Variants in NDUFA6 observed in about 807,000 individuals in gnomAD.
NDUFA6 encodes the protein NADH:ubiquinone oxidoreductase subunit A6.
NDUFA6 carries 10 observed loss-of-function variants against 12.5 expected under a neutral mutation model. The ratio of observed to expected loss-of-function variants is 0.80; its 90% CI spans 0.49 to 1.35. The LOEUF (loss-of-function observed/expected upper bound fraction) is 1.35, where lower values mean the gene tolerates loss of function less well. Ranked by LOEUF, NDUFA6 falls within the 40% of genes most tolerant of loss-of-function variation. The probability of loss-of-function intolerance (pLI) is 0.00; values close to 1 mark genes in which losing one functional copy is unlikely to be tolerated. For missense variants in NDUFA6, 177 were observed against 173.5 expected, an observed-to-expected ratio of 1.02 and a Z score of -0.11; for synonymous variants, 66 against 63.0, an observed-to-expected ratio of 1.05 and a Z score of -0.23.
At chr22:42,088,356 G>A (rs1444360698) in intron 1 of NDUFA6, among the ~76,000 whole-genome samples, 1 of 151,874 alleles carries the variant, frequency 6.6e-6, no homozygotes, top group Admixed American at 6.5e-5. Flanking sequence ...GCAGTGAGCC[G>A]AGATTGCGCC....
intron 1 of NDUFA6, among the ~76,000 whole-genome samples, chr22:42,087,728 GGAGGTGGACCTTGCAGTGAGCC>G (rs1169080827): frequency 6.6e-6 from 1 of 151,636 alleles, no homozygotes; most frequent in Non-Finnish European, 1.5e-5. Context: ...TGTGAACCCG[GGAGGTGGACCTTGCAGTGAGCC>G]GAGGTCGCAC....
chr22:42,090,484 G>T, intron 1 of NDUFA6, 122 bp downstream of exon 1: 2 of 1,223,368 alleles, frequency 1.6e-6, no homozygotes, highest in Non-Finnish European at 1.2e-6. Flanking sequence ...TTCCCCTGAA[G>T]CACCCGCAGT....
chr22:42,087,081 CA>C lies in NDUFA6; in HGVS notation c.233del (p.Val78GlyfsTer61), dbSNP rs1928297638. The C allele has an allele frequency of 1.2e-6, 2 of 1,613,874 alleles. No homozygotes were observed. The highest frequency in any genetic ancestry group is 4.5e-5 in the East Asian group (2 of 44,880). ...MKNAHVTDPRVVDLLVIKGKI... is the reference protein window; with the variant it reads ...MKNAHVTDPRXVDLLVIKGKI... The stretch of plus-strand genomic sequence containing the variant: ...TTACCTTAATGACCAGAAGATCAAC[CA>C]CCCTGGGGTCTGTGACATGGGCATT... On this transcript the variant is annotated frameshift_variant, in exon 2 of 3. Transcript: ENST00000498737. LOFTEE classifies it high-confidence loss of function.
intron 2 of NDUFA6, 109 bp downstream of exon 2, chr22:42,086,951 G>C: frequency 1.2e-6 from 1 of 824,616 alleles, no homozygotes; most frequent in East Asian, 2.4e-5. Context: ...AATCACTGCC[G>C]AACCAGTAGC....
chr22:42,086,458 A>G (rs367996389), intron 2 of NDUFA6, 144 bp from the exon 3 acceptor site: 1 of 1,021,894 alleles, frequency 9.8e-7, no homozygotes, highest in South Asian at 1.3e-5. Flanking sequence ...CAAAGTTTCT[A>G]TGTCTGGACA....
At chr22:42,090,356 C>G (rs1928558960) in intron 1 of NDUFA6, among the ~76,000 whole-genome samples, 1 of 152,246 alleles carries the variant, frequency 6.6e-6, no homozygotes, top group Non-Finnish European at 1.5e-5. Context: ...CGTCCTCCCG[C>G]CAATTGCGAA....
In NDUFA6 at chr22:42,086,085, T is replaced by G. The variant is rs1318081915; in HGVS notation, c.*98A>C. 1.3e-6 allele frequency: 2 copies of G among 1,562,618 alleles called. No homozygotes were observed. The highest frequency in any genetic ancestry group is 2.7e-5 in the African/African-American group (2 of 73,790). On this transcript the variant is annotated 3_prime_UTR_variant, in exon 3 of 3. Transcript: ENST00000498737. The stretch of plus-strand genomic sequence containing the variant: ...CAGGCAAAAAGAGGCTGCAGAAAAT[T>G]GGTTCATCAATGGAATTCTATCACA...
chr22:42,085,928 G>C lies in NDUFA6; in HGVS notation c.*255C>G, dbSNP rs896398099. ...TGCCCAATGTCACAATTTTTGAACA[G>C]ATGGCCTCCTTCCTTCCTGTTTACT... On this transcript the variant is annotated 3_prime_UTR_variant, in exon 3 of 3. Coordinates refer to ENST00000498737, the MANE Select transcript of NDUFA6 (RefSeq NM_002490.6). 1.0e-5 allele frequency: 6 copies of C among 577,014 alleles called. No homozygotes were observed. Among genetic ancestry groups the C allele is most frequent in the Non-Finnish European group, 1.8e-5 (6 of 325,096 alleles). The allele number at this position is 577,014 out of a possible 1,614,324, so 35.7% of individuals were successfully genotyped here.
intron 2 of NDUFA6, 134 bp from the exon 3 acceptor site, chr22:42,086,448 C>G: frequency 3.5e-6 from 4 of 1,147,706 alleles, no homozygotes; most frequent in Non-Finnish European, 5.2e-6. Flanking sequence ...TCTGTCTGGG[C>G]AAAGTTTCTA....
chr22:42,090,598 C>T lies in NDUFA6; in HGVS notation c.139+8G>A, dbSNP rs757147854. 16 of 1,613,416 alleles carry T rather than the reference C, an allele frequency of 9.9e-6. No homozygotes were observed. The highest frequency in any genetic ancestry group is 1.7e-5 in the Admixed American group (1 of 60,008). ...CTCCGGGTCCCCACGTAAGCCGCTA[C>T]CTCTCACCAGTGTTCGGCACCTCCC... is the stretch of plus-strand genomic sequence containing the variant. On this transcript the variant is annotated splice_region_variant and intron_variant, in intron 1 of 2. Transcript: ENST00000498737.
chr22:42,088,158 A>G (rs919902595), intron 1 of NDUFA6, among the ~76,000 whole-genome samples: 4 of 148,466 alleles, frequency 2.7e-5, no homozygotes, highest in Admixed American at 6.7e-5. Flanking sequence ...CTGTAATCCC[A>G]GCACTTTGGG....
Position 42,085,905 on chromosome 22 carries a change from C to T in NDUFA6, c.*278G>A. On this transcript the variant is annotated 3_prime_UTR_variant, in exon 3 of 3. Coordinates refer to ENST00000498737, the MANE Select transcript of NDUFA6 (RefSeq NM_002490.6). ...CATTAACAAGTCGTCCAGCCTCATGCCCAATGTCACAATTTTTGAACAGAT... is the reference window on the plus strand; with the variant it reads ...CATTAACAAGTCGTCCAGCCTCATGTCCAATGTCACAATTTTTGAACAGAT... 1.8e-6 allele frequency: 1 copy of T among 540,836 alleles called. No homozygotes were observed. Among genetic ancestry groups the T allele is most frequent in the Non-Finnish European group, 3.3e-6 (1 of 301,496 alleles). 33.5% of individuals were successfully genotyped at this position (540,836 alleles called of 1,614,324 possible). A position where few individuals can be genotyped will look rare whatever the true frequency, so the allele number is the denominator to read the frequency against.
chr22:42,089,463 C>A (rs1928490723), intron 1 of NDUFA6, among the ~76,000 whole-genome samples: 1 of 151,956 alleles, frequency 6.6e-6, no homozygotes, highest in Non-Finnish European at 1.5e-5. Context: ...TCTCTAGTAT[C>A]GCGTGGGTTT....
In NDUFA6 at chr22:42,086,041, T is replaced by C; in HGVS notation, c.*142A>G. ...AAAGGGAAAGAACAGGTGATGTGTA[T>C]ACCAAGGTCCCACTTGCTCAGGCAA... On this transcript the variant is annotated 3_prime_UTR_variant, in exon 3 of 3. Transcript: ENST00000498737. 9.6e-7 allele frequency: 1 copy of C among 1,043,746 alleles called. No homozygotes were observed. The highest frequency in any genetic ancestry group is 1.5e-6 in the Non-Finnish European group (1 of 671,796). The allele number at this position is 1,043,746 out of a possible 1,614,324, so 64.7% of individuals were successfully genotyped here.
intron 1 of NDUFA6, among the ~76,000 whole-genome samples, chr22:42,088,188 A>C (rs911066521): frequency 1.5e-4 from 21 of 144,334 alleles, no homozygotes; most frequent in Non-Finnish European, 2.6e-4. Context: ...CGGGTGGATC[A>C]TGAGGTCAGG....
chr22:42,086,035 T>C lies in NDUFA6; in HGVS notation c.*148A>G. The C allele has an allele frequency of 1.1e-6, 1 of 941,844 alleles. No homozygotes were observed. The highest frequency in any genetic ancestry group is 1.7e-6 in the Non-Finnish European group (1 of 581,564). 58.3% of individuals were successfully genotyped at this position (941,844 alleles called of 1,614,324 possible). A position where few individuals can be genotyped will look rare whatever the true frequency, so the allele number is the denominator to read the frequency against. ...TCAAGAAAAGGGAAAGAACAGGTGA[T>C]GTGTATACCAAGGTCCCACTTGCTC... On this transcript the variant is annotated 3_prime_UTR_variant, in exon 3 of 3. Coordinates refer to ENST00000498737, the MANE Select transcript of NDUFA6 (RefSeq NM_002490.6).
In NDUFA6 at chr22:42,090,771, C is replaced by T; in HGVS notation, c.-27G>A. ...TTGCCAAAGCATCCACTCCACAACC[C>T]CACCCCTTTGCAAGCAGCGCGTGCG... On this transcript the variant is annotated 5_prime_UTR_variant, in exon 1 of 3. Transcript: ENST00000498737. 1 of 1,614,228 alleles carries T rather than the reference C, an allele frequency of 6.2e-7. No individual in the cohort carries two copies.
In NDUFA6 at chr22:42,090,750, C is replaced by CA; in HGVS notation, c.-7dup. On this transcript the variant is annotated 5_prime_UTR_variant, in exon 1 of 3. Transcript: ENST00000498737. ...CGGACGCCGCTCCCCGCCATCTTGC[C>CA]AAAGCATCCACTCCACAACCCCACC... 6.2e-7 allele frequency: 1 copy of CA among 1,614,180 alleles called. No individual in the cohort carries two copies. The highest frequency in any genetic ancestry group is 8.5e-7 in the Non-Finnish European group (1 of 1,180,032).
At chr22:42,088,778 T>G (rs1928439150) in intron 1 of NDUFA6, among the ~76,000 whole-genome samples, 1 of 151,732 alleles carries the variant, frequency 6.6e-6, no homozygotes, top group African/African-American at 2.4e-5. Context: ...CATTAAATAC[T>G]TAAAATTTTA....
Sources: allele counts gnomAD v4.1 joint callset (sites outside exome capture counted in the v4.1 genomes callset), GRCh38; gene constraint gnomAD v4.1.1; transcripts MANE v1.5; gene names NCBI Gene and HGNC (gene_info 2026-07-23, HGNC 2026-07-21).